Variants in FRMD3 observed in about 807,000 individuals in gnomAD.
FRMD3 encodes FERM domain-containing protein 3.
In FRMD3, 33 loss-of-function variants were observed where a neutral mutation model predicts 70.2. The ratio of observed to expected loss-of-function variants is 0.47; its 90% CI spans 0.36 to 0.63. The LOEUF (loss-of-function observed/expected upper bound fraction) is 0.63, where lower values mean the gene tolerates loss of function less well. Among genes scored for constraint, FRMD3 ranks in the 20% least tolerant of loss-of-function variants. FRMD3 has a pLI of 0.00. For missense variants in FRMD3, 632 were observed against 711.4 expected (o/e 0.89, Z 1.27); for synonymous variants, 279 against 255.9 (o/e 1.09, Z -0.86).
chr9:83,472,104 T>G (rs1036222758), intron 1 of FRMD3, among the ~76,000 whole-genome samples: 1 of 113,402 alleles, frequency 8.8e-6, no homozygotes, highest in Non-Finnish European at 2.1e-5. Flanking sequence ...TGGGAAAAAC[T>G]CCATTCCCAG....
chr9:83,279,676 G>A (rs1833905138), intron 13 of FRMD3, among the ~76,000 whole-genome samples: 1 of 152,056 alleles, frequency 6.6e-6, no homozygotes, highest in African/African-American at 2.4e-5. Context: ...GAAGCCATTA[G>A]CTTCAGAAAA....
chr9:83,539,683 G>C (rs756717247), upstream of FRMD3, among the ~76,000 whole-genome samples: 10 of 152,096 alleles, frequency 6.6e-5, no homozygotes, highest in African/African-American at 2.4e-4. Context: ...GGGGGAGTCC[G>C]CATTGCATTT....
At chr9:83,433,246 T>C (rs775919713) in intron 1 of FRMD3, among the ~76,000 whole-genome samples, 4 of 152,254 alleles carry the variant, frequency 2.6e-5, no homozygotes, top group South Asian at 2.1e-4. Context: ...AATTAATGCA[T>C]GCTTAGTTCA....
intron 4 of FRMD3, among the ~76,000 whole-genome samples, chr9:83,345,203 G>A (rs1352501946): frequency 6.6e-6 from 1 of 152,102 alleles, no homozygotes; most frequent in African/African-American, 2.4e-5. Flanking sequence ...CATGGTGGAG[G>A]CTCAAATGAC....
chr9:83,364,518 T>C (rs982463469), intron 3 of FRMD3, among the ~76,000 whole-genome samples: 1 of 150,160 alleles, frequency 6.7e-6, no homozygotes, highest in Non-Finnish European at 1.5e-5. Flanking sequence ...ATCACACCAC[T>C]GCACGCCAGC....
intron 1 of FRMD3, among the ~76,000 whole-genome samples, chr9:83,435,327 G>A (rs1445936429): frequency 1.3e-5 from 2 of 152,088 alleles, no homozygotes; most frequent in Admixed American, 1.3e-4. Context: ...TTTGGAAAAG[G>A]GAGGATCTCA....
intron 1 of FRMD3, among the ~76,000 whole-genome samples, chr9:83,459,707 A>G (rs1437345792): frequency 6.6e-6 from 1 of 152,238 alleles, no homozygotes; most frequent in East Asian, 1.9e-4. Context: ...TTGAACTGCC[A>G]TGGCCCACAG....
chr9:83,266,551 T>A (rs1833264677), intron 13 of FRMD3, among the ~76,000 whole-genome samples: 2 of 152,170 alleles, frequency 1.3e-5, no homozygotes. Flanking sequence ...TGGCCAATAT[T>A]TTGAGTAAAG....
chr9:83,530,646 C>A (rs1008050146), intron 1 of FRMD3, among the ~76,000 whole-genome samples: 2 of 152,124 alleles, frequency 1.3e-5, no homozygotes, highest in African/African-American at 4.8e-5. Flanking sequence ...TGAACTACAT[C>A]TCAATAAAAC....
intron 13 of FRMD3, among the ~76,000 whole-genome samples, chr9:83,283,548 ATAATAATAAT>A (rs1238012724): frequency 0.031 from 416 of 13,562 alleles, 4 homozygotes; most frequent in Middle Eastern, 0.17. Flanking sequence ...AAAAAAAAAA[ATAATAATAAT>A]AATAATAATA....
chr9:83,406,864 GTTTAA>G (rs368856341), intron 1 of FRMD3, among the ~76,000 whole-genome samples: 3 of 152,142 alleles, frequency 2.0e-5, no homozygotes, highest in Non-Finnish European at 1.5e-5. Context: ...GTTGTTTTCT[GTTTAA>G]TTTATTTTCC....
chr9:83,273,375 G>T (rs573959097), intron 13 of FRMD3, among the ~76,000 whole-genome samples: 29 of 150,886 alleles, frequency 1.9e-4, no homozygotes, highest in African/African-American at 6.4e-4. Flanking sequence ...TCCACTCAGG[G>T]TTAAATGGAT....
intron 13 of FRMD3, chr9:83,279,280 C>T (rs888596593): frequency 2.6e-5 from 4 of 152,072 alleles, no homozygotes; most frequent in African/African-American, 9.7e-5. Context: ...TTTATATTAC[C>T]TTTTAAGCTA....
chr9:83,543,953 T>C, the FRMD3 span, among the ~76,000 whole-genome samples: 3 of 152,168 alleles, frequency 2.0e-5, no homozygotes, highest in African/African-American at 7.2e-5. Context: ...GGCTTAAGCA[T>C]ACCTGTAGAC....
At chr9:83,376,746 A>AT (rs1444233218) in intron 2 of FRMD3, among the ~76,000 whole-genome samples, 1 of 151,606 alleles carries the variant, frequency 6.6e-6, no homozygotes, top group Non-Finnish European at 1.5e-5. Flanking sequence ...TGGCTGTGCT[A>AT]TATTCCTTTT....
intron 1 of FRMD3, among the ~76,000 whole-genome samples, chr9:83,459,128 T>C (rs1827900094): frequency 6.6e-6 from 1 of 152,206 alleles, no homozygotes; most frequent in Non-Finnish European, 1.5e-5. Flanking sequence ...TGTGACATCA[T>C]GCAAGAGGCA....
Position 83,247,987 on chromosome 9 carries a change from G to C in FRMD3, c.1725C>G (p.Tyr575Ter). The C allele has an allele frequency of 6.2e-7, 1 of 1,614,186 alleles. No individual in the cohort carries two copies. Among genetic ancestry groups the C allele is most frequent in the Non-Finnish European group, 8.5e-7 (1 of 1,180,032 alleles). The change falls in exon 14 of 14, where the codon TAC becomes TAG. Residue 575 changes from tyrosine to a stop codon, truncating the protein, a stop_gained. Coordinates refer to ENST00000304195, the MANE Select transcript of FRMD3 (RefSeq NM_174938.6). LOFTEE classifies it high-confidence loss of function. The part of the protein sequence containing the change: ...TPEFEQFHYE[Y>*]YCPLKEWVAG... ...CCACCCACTCCTTGAGGGGACAGTAGTATTCATAGTGAAACTGCTCAAACT... is the reference window on the plus strand; with the variant it reads ...CCACCCACTCCTTGAGGGGACAGTACTATTCATAGTGAAACTGCTCAAACT...
intron 1 of FRMD3, among the ~76,000 whole-genome samples, chr9:83,527,671 T>C (rs1415799917): frequency 1.3e-5 from 2 of 152,096 alleles, no homozygotes; most frequent in Non-Finnish European, 2.9e-5. Flanking sequence ...GAGTCTGCAT[T>C]TGAACAAGAG....
intron 3 of FRMD3, among the ~76,000 whole-genome samples, chr9:83,367,681 G>A (rs1482873473): frequency 6.6e-6 from 1 of 152,178 alleles, no homozygotes; most frequent in African/African-American, 2.4e-5. Context: ...AGTAGGAACA[G>A]CAAATGTGCT....
Sources: allele counts gnomAD v4.1 joint callset (sites outside exome capture counted in the v4.1 genomes callset), GRCh38; gene constraint gnomAD v4.1.1; transcripts MANE v1.5; gene names NCBI Gene and HGNC (gene_info 2026-07-23, HGNC 2026-07-21).